The following IL1RAPL1 variants were observed in gnomAD, a reference collection of about 807,000 sequenced individuals.
IL1RAPL1 encodes the protein interleukin-1 receptor accessory protein-like 1.
IL1RAPL1 carries 3 observed loss-of-function variants against 48.4 expected under a neutral mutation model. The observed-to-expected ratio is 0.06, with a 90% CI of 0.03 to 0.16. The LOEUF (loss-of-function observed/expected upper bound fraction) is 0.16, where lower values mean the gene tolerates loss of function less well. Among genes scored for constraint, IL1RAPL1 ranks in the 10% least tolerant of loss-of-function variants. IL1RAPL1 has a pLI of 1.00. For synonymous variants in IL1RAPL1, 185 were observed against 187.7 expected, an observed-to-expected ratio of 0.99 and a Z score of 0.12; for missense variants, 349 against 530.6, an observed-to-expected ratio of 0.66 and a Z score of 3.36.
chrX:28,900,272 T>A (rs1923039430), intron 2 of IL1RAPL1, among the ~76,000 whole-genome samples: 1 of 112,088 alleles, frequency 8.9e-6, no homozygotes, highest in African/African-American at 3.2e-5. Context: ...TTCCTCTCTT[T>A]CCCCGCCTTC....
At chrX:29,937,067 C>T (rs764705879) in intron 8 of IL1RAPL1, among the ~76,000 whole-genome samples, 1 of 111,768 alleles carries the variant, frequency 8.9e-6, no homozygotes, top group African/African-American at 3.2e-5. Flanking sequence ...CTCTTTGGCA[C>T]TTGTTCATTT....
intron 5 of IL1RAPL1, among the ~76,000 whole-genome samples, chrX:29,447,324 A>G (rs192652933): frequency 9.1e-6 from 1 of 109,360 alleles, no homozygotes. Flanking sequence ...TGCGCCTCAT[A>G]TTGTTTTTTA....
chrX:29,690,479 T>A (rs1337078627), intron 6 of IL1RAPL1, among the ~76,000 whole-genome samples: 1 of 111,841 alleles, frequency 8.9e-6, no homozygotes, highest in Non-Finnish European at 1.9e-5. Context: ...AGGAAATGTG[T>A]TTTATTTACC....
intron 1 of IL1RAPL1, among the ~76,000 whole-genome samples, chrX:28,746,548 A>C (rs1935980711): frequency 8.9e-6 from 1 of 111,923 alleles, no homozygotes; most frequent in Non-Finnish European, 1.9e-5. Context: ...AGATTATTTC[A>C]AGCCAGAGTT....
chrX:29,918,144 A>AAAAAAAAAATATATAT (rs1555935868), intron 7 of IL1RAPL1, among the ~76,000 whole-genome samples: 3 of 23,765 alleles, frequency 1.3e-4, no homozygotes, highest in Non-Finnish European at 2.0e-4. Flanking sequence ...AAAAAAAAAA[A>AAAAAAAAAATATATAT]ATATATATAT....
chrX:29,868,714 C>G (rs781262866), intron 6 of IL1RAPL1, among the ~76,000 whole-genome samples: 2 of 112,575 alleles, frequency 1.8e-5, no homozygotes, highest in Non-Finnish European at 3.7e-5. Flanking sequence ...CATATAGATA[C>G]AGCAGCAAAT....
intron 2 of IL1RAPL1, among the ~76,000 whole-genome samples, chrX:29,262,322 T>A (rs1320955333): frequency 3.6e-5 from 4 of 111,655 alleles, no homozygotes; most frequent in Non-Finnish European, 7.5e-5. Flanking sequence ...GGTATATGAG[T>A]ATGCCATTTT....
chrX:29,915,873 A>G (rs1249880821), intron 6 of IL1RAPL1, among the ~76,000 whole-genome samples: 2 of 77,204 alleles, frequency 2.6e-5, no homozygotes, highest in Non-Finnish European at 4.9e-5. Flanking sequence ...AGCATTAGGT[A>G]TATCTCCCAA....
chrX:29,846,778 G>GCATATATGTA (rs1931256751), intron 6 of IL1RAPL1, among the ~76,000 whole-genome samples: 1 of 74,059 alleles, frequency 1.4e-5, no homozygotes, highest in African/African-American at 5.3e-5. Flanking sequence ...ACATATATAT[G>GCATATATGTA]TATATATGTA....
chrX:29,249,685 A>G (rs1361363087), intron 2 of IL1RAPL1, among the ~76,000 whole-genome samples: 1 of 111,964 alleles, frequency 8.9e-6, no homozygotes, highest in African/African-American at 3.2e-5. Context: ...TGTATTTCTT[A>G]TAGCAGTTAT....
chrX:28,951,112 G>C (rs1269100593), intron 2 of IL1RAPL1, among the ~76,000 whole-genome samples: 2 of 79,536 alleles, frequency 2.5e-5, no homozygotes, highest in African/African-American at 9.3e-5. Context: ...TCACACTCTG[G>C]GGACTGTTGT....
intron 1 of IL1RAPL1, among the ~76,000 whole-genome samples, chrX:28,672,855 G>A (rs1365599370): frequency 3.6e-5 from 4 of 111,059 alleles, no homozygotes; most frequent in South Asian, 3.8e-4. Flanking sequence ...TTACATAGGT[G>A]AACTTGTGTC....
At chrX:29,882,157 C>A (rs747972894) in intron 6 of IL1RAPL1, among the ~76,000 whole-genome samples, 2 of 111,637 alleles carry the variant, frequency 1.8e-5, no homozygotes, top group African/African-American at 6.5e-5. Context: ...CCTGTATTCA[C>A]CACCTTTATT....
At chrX:28,601,763 A>G (rs1934028666) in intron 1 of IL1RAPL1, among the ~76,000 whole-genome samples, 1 of 110,994 alleles carries the variant, frequency 9.0e-6, no homozygotes, top group Admixed American at 9.6e-5. Context: ...AGCATTTGTT[A>G]GATTCCTTCT....
chrX:29,711,089 C>CACACACACACAG (rs1309628138), intron 6 of IL1RAPL1, among the ~76,000 whole-genome samples: 3 of 101,205 alleles, frequency 3.0e-5, no homozygotes, highest in Non-Finnish European at 4.0e-5. Context: ...CACACACACA[C>CACACACACACAG]AGATATATAT....
chrX:28,789,556 A>G (rs929754675), intron 2 of IL1RAPL1, 131 bp downstream of exon 2: 5 of 512,460 alleles, frequency 9.8e-6, no homozygotes, highest in South Asian at 2.7e-5. Context: ...TGTAGATATT[A>G]TGAGTAAATA....
intron 5 of IL1RAPL1, among the ~76,000 whole-genome samples, chrX:29,412,738 C>T (rs1934160406): frequency 8.9e-6 from 1 of 111,971 alleles, no homozygotes; most frequent in South Asian, 3.7e-4. Context: ...TAAGGGTTGT[C>T]TTAGTTCCAT....
intron 5 of IL1RAPL1, among the ~76,000 whole-genome samples, chrX:29,546,643 C>A (rs1168744663): frequency 9.0e-6 from 1 of 111,432 alleles, no homozygotes; most frequent in Non-Finnish European, 1.9e-5. Flanking sequence ...TCAATCCATT[C>A]CCCTGACCGC....
chrX:28,846,289 G>A (rs1178890134), intron 2 of IL1RAPL1, among the ~76,000 whole-genome samples: 1 of 111,745 alleles, frequency 8.9e-6, no homozygotes, highest in Non-Finnish European at 1.9e-5. Flanking sequence ...ATATTCTATT[G>A]TCGGGATGTA....
Sources: allele counts gnomAD v4.1 joint callset (sites outside exome capture counted in the v4.1 genomes callset), GRCh38; gene constraint gnomAD v4.1.1; transcripts MANE v1.5; gene names NCBI Gene and HGNC (gene_info 2026-07-23, HGNC 2026-07-21).